ARHGAP15: variants seen among roughly 807,000 people sequenced by gnomAD.
The protein encoded by ARHGAP15 is Rho GTPase activating protein 15.
A neutral mutation model predicts 63.7 loss-of-function variants in ARHGAP15; 51 were observed. The ratio of observed to expected loss-of-function variants is 0.80; its 90% confidence interval spans 0.64 to 1.01. The LOEUF is 1.01. Among genes scored for constraint, ARHGAP15 ranks in the 50% least tolerant of loss-of-function variants. The pLI, the probability that ARHGAP15 is intolerant of heterozygous loss-of-function variation, is 0.00. For synonymous variants in ARHGAP15, 191 were observed against 193.8 expected, an observed-to-expected ratio of 0.99 and a Z score of 0.12; for missense variants, 560 against 564.6, an observed-to-expected ratio of 0.99 and a Z score of 0.08.
chr2:143,631,662 G>T (rs1293668025), intron 12 of ARHGAP15, among the ~76,000 whole-genome samples: 3 of 151,980 alleles, frequency 2.0e-5, no homozygotes, highest in African/African-American at 7.2e-5. Context: ...CTATTTCTTT[G>T]CTATTGAGTT....
At chr2:143,747,616 G>A (rs1311908098) in intron 13 of ARHGAP15, among the ~76,000 whole-genome samples, 1 of 152,126 alleles carries the variant, frequency 6.6e-6, no homozygotes, top group Non-Finnish European at 1.5e-5. Flanking sequence ...GATGTCAGGT[G>A]CTTGGAATCA....
At chr2:143,475,021 A>G (rs537190277) in intron 8 of ARHGAP15, among the ~76,000 whole-genome samples, 22 of 152,334 alleles carry the variant, frequency 1.4e-4, no homozygotes, top group African/African-American at 4.6e-4. Context: ...GGTGACCACC[A>G]TCACCATACA....
At chr2:143,749,414 T>C (rs73961853) in intron 13 of ARHGAP15, among the ~76,000 whole-genome samples, 4,645 of 152,316 alleles carry the variant, frequency 0.03, 230 homozygotes, top group African/African-American at 0.11. Flanking sequence ...TCCTTCTCTC[T>C]CTCTTTATTC....
chr2:143,413,963 G>A (rs1688559781), intron 6 of ARHGAP15, among the ~76,000 whole-genome samples: 1 of 118,092 alleles, frequency 8.5e-6, no homozygotes, highest in Non-Finnish European at 1.7e-5. Flanking sequence ...GTGTGTGTGT[G>A]TGTGCGCGCT....
chr2:143,658,590 G>T (rs778337498), intron 12 of ARHGAP15, among the ~76,000 whole-genome samples: 40 of 152,064 alleles, frequency 2.6e-4, no homozygotes, highest in Non-Finnish European at 2.6e-4. Flanking sequence ...TAAATTACAG[G>T]GTTTGTTCAT....
chr2:143,672,542 G>A (rs1386050443), intron 12 of ARHGAP15, among the ~76,000 whole-genome samples: 1 of 152,042 alleles, frequency 6.6e-6, no homozygotes, highest in Non-Finnish European at 1.5e-5. Flanking sequence ...CCAAAATTTA[G>A]CAAAACCGCA....
intron 12 of ARHGAP15, among the ~76,000 whole-genome samples, chr2:143,661,792 C>T (rs567362569): frequency 1.2e-4 from 18 of 152,278 alleles, no homozygotes; most frequent in East Asian, 5.8e-4. Flanking sequence ...GTTCCCTTTC[C>T]GAGTCAAAGG....
chr2:143,265,152 G>A (rs967845201), intron 6 of ARHGAP15, among the ~76,000 whole-genome samples: 2 of 151,910 alleles, frequency 1.3e-5, no homozygotes, highest in African/African-American at 4.8e-5. Flanking sequence ...CATGGAACAG[G>A]GTGTTCAGAG....
chr2:143,561,716 A>T (rs1173416937), intron 11 of ARHGAP15, among the ~76,000 whole-genome samples: 1 of 151,908 alleles, frequency 6.6e-6, no homozygotes. Context: ...AGGTTTCACC[A>T]TGTCTCAAAC....
intron 6 of ARHGAP15, among the ~76,000 whole-genome samples, chr2:143,292,712 AAT>A (rs1682462068): frequency 6.6e-6 from 1 of 152,056 alleles, no homozygotes; most frequent in African/African-American, 2.4e-5. Context: ...AAAACTTTAA[AAT>A]AGTCTTATTG....
rs753247677 is a variant in ARHGAP15, at chr2:143,436,989, G to A, written c.650G>A (p.Ser217Asn). The change falls in exon 8 of 14, where the codon AGT becomes AAT. Residue 217 changes from serine to asparagine, a missense_variant. Transcript: ENST00000295095. ...IQRSSSTELL[S>N]HYDSDIKEQK... The stretch of plus-strand genomic sequence containing the variant: ...AGATCCTCTAGCACTGAATTGCTAA[G>A]TCACTACGACAGTGATATAAAAGAA... 2.5e-6 allele frequency: 4 copies of A among 1,610,486 alleles called. No individual in the cohort carries two copies. The highest frequency in any genetic ancestry group is 1.7e-4 in the Middle Eastern group (1 of 6,038).
intron 11 of ARHGAP15, among the ~76,000 whole-genome samples, chr2:143,622,140 C>T (rs576846901): frequency 6.6e-6 from 1 of 152,118 alleles, no homozygotes; most frequent in South Asian, 2.1e-4. Flanking sequence ...ATGTGTTAAG[C>T]TATTTCTCTA....
intron 9 of ARHGAP15, among the ~76,000 whole-genome samples, chr2:143,515,018 C>T (rs1006610868): frequency 8.5e-5 from 13 of 152,080 alleles, no homozygotes; most frequent in Middle Eastern, 3.2e-3. Context: ...GGTTCCATGG[C>T]AAAGGAGGTG....
intron 5 of ARHGAP15, among the ~76,000 whole-genome samples, chr2:143,245,474 G>C (rs1465011390): frequency 6.6e-6 from 1 of 152,180 alleles, no homozygotes; most frequent in Non-Finnish European, 1.5e-5. Flanking sequence ...GTAAATATCA[G>C]ACTGCAGTGT....
At chr2:143,167,004 AT>A (rs1187563925) in intron 2 of ARHGAP15, among the ~76,000 whole-genome samples, 2 of 152,026 alleles carry the variant, frequency 1.3e-5, no homozygotes, top group Non-Finnish European at 2.9e-5. Flanking sequence ...TGAAATAATA[AT>A]TTTTATGAAT....
intron 2 of ARHGAP15, among the ~76,000 whole-genome samples, chr2:143,161,481 G>C (rs1381461495): frequency 3.3e-5 from 5 of 151,764 alleles, no homozygotes; most frequent in African/African-American, 1.2e-4. Context: ...TATAGCTTTA[G>C]GAGTTCCGTC....
chr2:143,167,007 T>G (rs1488579227), intron 2 of ARHGAP15, among the ~76,000 whole-genome samples: 1 of 152,122 alleles, frequency 6.6e-6, no homozygotes, highest in Non-Finnish European at 1.5e-5. Flanking sequence ...AATAATAATT[T>G]TTATGAATAC....
intron 12 of ARHGAP15, among the ~76,000 whole-genome samples, chr2:143,695,025 AT>A (rs1683779869): frequency 6.6e-6 from 1 of 152,206 alleles, no homozygotes; most frequent in Non-Finnish European, 1.5e-5. Context: ...TATTTGTAGG[AT>A]TTCCACCCTT....
intron 6 of ARHGAP15, among the ~76,000 whole-genome samples, chr2:143,358,888 A>T (rs530083586): frequency 6.6e-6 from 1 of 152,058 alleles, no homozygotes; most frequent in African/African-American, 2.4e-5. Context: ...CTAATCATTT[A>T]TAATAAAAGG....
Sources: gnomAD v4.1 joint callset for allele counts (sites outside exome capture counted in the v4.1 genomes callset) on GRCh38, gnomAD v4.1.1 for gene constraint, MANE v1.5 for transcripts, NCBI Gene and HGNC (gene_info 2026-07-23, HGNC 2026-07-21) for gene names.